The following RYR2 variants were observed in gnomAD, a reference collection of about 807,000 sequenced individuals.
RYR2 encodes ryanodine receptor 2.
A neutral mutation model predicts 601.1 loss-of-function variants in RYR2; 227 were observed. That is an observed-to-expected ratio of 0.38 (90% CI 0.34 to 0.42). RYR2 has a LOEUF of 0.42. Among genes scored for constraint, RYR2 ranks in the 10% least tolerant of loss-of-function variants. The pLI is 1.00. For synonymous variants in RYR2, 2,223 were observed against 2,175.1 expected, an observed-to-expected ratio of 1.02 and a Z score of -0.61; for missense variants, 4,646 against 6,156.5, an observed-to-expected ratio of 0.75 and a Z score of 8.21.
At chr1:237,655,790 A>ATT (rs752921347) in intron 52 of RYR2, 31 bp from the exon 53 acceptor site, 8 of 1,181,636 alleles carry the variant, frequency 6.8e-6, no homozygotes, top group Admixed American at 5.1e-5. Flanking sequence ...CCATATAGTA[A>ATT]TTTTTTTTTT....
intron 1 of RYR2, among the ~76,000 whole-genome samples, chr1:237,066,651 T>C (rs1393161310): frequency 6.6e-6 from 1 of 151,970 alleles, no homozygotes; most frequent in Non-Finnish European, 1.5e-5. Flanking sequence ...CTTTTTTTTT[T>C]TTTTCTTCGA....
At chr1:237,075,335 G>A (rs12093641) in intron 1 of RYR2, among the ~76,000 whole-genome samples, 2 of 151,288 alleles carry the variant, frequency 1.3e-5, no homozygotes, top group African/African-American at 2.4e-5. Context: ...CGCAGAAGAC[G>A]GGTGATTTCT....
chr1:237,268,713 G>A (rs959033189), intron 1 of RYR2, among the ~76,000 whole-genome samples: 47 of 151,756 alleles, frequency 3.1e-4, no homozygotes, highest in Admixed American at 7.9e-4. Flanking sequence ...CGAGGCGGGC[G>A]GATCACGAGG....
At chr1:237,731,822 TATAC>T (rs1466614171) in intron 77 of RYR2, among the ~76,000 whole-genome samples, 2 of 151,844 alleles carry the variant, frequency 1.3e-5, no homozygotes, top group Admixed American at 1.3e-4. Flanking sequence ...ATGCAACACA[TATAC>T]ATACAAGCTT....
intron 10 of RYR2, among the ~76,000 whole-genome samples, chr1:237,390,471 C>T (rs768779868): frequency 5.9e-5 from 9 of 152,052 alleles, no homozygotes; most frequent in African/African-American, 1.2e-4. Flanking sequence ...AGAAAATACA[C>T]GTAAAATACT....
chr1:237,355,532 A>G (rs1006186632), intron 3 of RYR2, among the ~76,000 whole-genome samples: 2 of 152,126 alleles, frequency 1.3e-5, no homozygotes, highest in African/African-American at 2.4e-5. Context: ...GAGTAAGAGA[A>G]ATTTTACTTT....
At chr1:237,481,730 T>C (rs1344066672) in intron 17 of RYR2, among the ~76,000 whole-genome samples, 1 of 148,622 alleles carries the variant, frequency 6.7e-6, no homozygotes, top group Non-Finnish European at 1.5e-5. Flanking sequence ...CCCTCTCAGA[T>C]GCACAGGCCC....
chr1:237,402,479 TAAA>T (rs200429851), intron 10 of RYR2, among the ~76,000 whole-genome samples: 1 of 151,716 alleles, frequency 6.6e-6, no homozygotes, highest in Non-Finnish European at 1.5e-5. Flanking sequence ...CTGGAAACTA[TAAA>T]AAATGATCAT....
At chr1:237,227,755 C>G (rs1206714252) in intron 1 of RYR2, among the ~76,000 whole-genome samples, 1 of 152,152 alleles carries the variant, frequency 6.6e-6, no homozygotes, top group Non-Finnish European at 1.5e-5. Flanking sequence ...TGCCTGACAC[C>G]CTGAGCTGCT....
intron 21 of RYR2, among the ~76,000 whole-genome samples, chr1:237,501,157 G>A (rs1664593110): frequency 6.7e-6 from 1 of 148,586 alleles, no homozygotes; most frequent in Non-Finnish European, 1.5e-5. Context: ...CCAGGGTCCT[G>A]AACTATTTCA....
chr1:237,664,933 T>C (rs1287334166), intron 56 of RYR2, among the ~76,000 whole-genome samples: 2 of 152,208 alleles, frequency 1.3e-5, no homozygotes, highest in African/African-American at 4.8e-5. Context: ...AACTATGGTG[T>C]TGATAGCAGT....
rs1558274627 is a variant in RYR2 at position 237,714,990 on chromosome 1, T to TTAAAA, written c.10324-2208_10324-2207insTAAAA. On this transcript the variant is annotated intron_variant, in intron 71 of 104. Transcript: ENST00000366574. Reference sequence around the variant, plus strand: ...CCTGGTGACAGAGCGAGACTCCATCTCAAAAAAAAAAAAAAAAAAAAAAAA... The same window carrying TTAAAA: ...CCTGGTGACAGAGCGAGACTCCATCTTAAAACAAAAAAAAAAAAAAAAAAAAAAAA... Among the ~76,000 whole-genome samples the TTAAAA allele has an allele frequency of 1.3e-4, 12 of 89,382 alleles. 5 individuals are homozygous for TTAAAA. Among genetic ancestry groups the TTAAAA allele is most frequent in the South Asian group, 1.1e-3 (3 of 2,746 alleles). 58.6% of individuals were successfully genotyped at this position (89,382 alleles called of 152,430 possible).
Position 237,300,239 on chromosome 1 carries a change from G to C in RYR2, c.168+29623G>C, listed in dbSNP as rs1466694036. On this transcript the variant is annotated intron_variant, in intron 2 of 104. Coordinates refer to ENST00000366574, the MANE Select transcript of RYR2 (RefSeq NM_001035.3). ...CGGACCACCAGGAAACATCTGAGAG[G>C]GCTCTTCCTTATTGTTTTGGTTGAG... 1.3e-5 allele frequency among the ~76,000 whole-genome samples: 2 copies of C among 152,084 alleles called. 1 individual carries two copies. The highest frequency in any genetic ancestry group is 2.9e-5 in the Non-Finnish European group (2 of 68,008).
At chr1:237,335,329 T>G (rs1697142622) in intron 3 of RYR2, among the ~76,000 whole-genome samples, 1 of 152,228 alleles carries the variant, frequency 6.6e-6, no homozygotes, top group South Asian at 2.1e-4. Flanking sequence ...ACAACTTTAT[T>G]TGTAATGCCA....
At chr1:237,187,901 G>T (rs1408686614) in intron 1 of RYR2, among the ~76,000 whole-genome samples, 1 of 152,128 alleles carries the variant, frequency 6.6e-6, no homozygotes, top group East Asian at 1.9e-4. Flanking sequence ...GTTACAATTT[G>T]CTTTTTAGTT....
At chr1:237,062,501 A>G (rs1256955939) in intron 1 of RYR2, among the ~76,000 whole-genome samples, 2 of 152,284 alleles carry the variant, frequency 1.3e-5, no homozygotes, top group African/African-American at 4.8e-5. Context: ...ATTGATGTCA[A>G]TGCAAATGTA....
At chr1:237,216,552 AC>A (rs1488576387) in intron 1 of RYR2, among the ~76,000 whole-genome samples, 3 of 152,112 alleles carry the variant, frequency 2.0e-5, no homozygotes, top group Non-Finnish European at 4.4e-5. Context: ...AGCCTGGCCA[AC>A]ATGGTGAAAC....
intron 1 of RYR2, among the ~76,000 whole-genome samples, chr1:237,085,855 G>A (rs1270946543): frequency 3.3e-5 from 5 of 152,190 alleles, no homozygotes; most frequent in Admixed American, 2.0e-4. Flanking sequence ...CCAGGCTCAA[G>A]TGATCCTCCC....
Position 237,364,141 on chromosome 1 carries a change from A to T in RYR2, c.295-217A>T, listed in dbSNP as rs556638172. 5.3e-5 allele frequency among the ~76,000 whole-genome samples: 8 copies of T among 152,272 alleles called. No individual in the cohort carries two copies. In the South Asian group the frequency reaches 1.4e-3, roughly 28 times the overall value. ...AGAAAAAGGAAGAAACTAACGTCAAAACATTTTTAAAGAGTTTTGCTTGCT... is the reference window on the plus strand; with the variant it reads ...AGAAAAAGGAAGAAACTAACGTCAATACATTTTTAAAGAGTTTTGCTTGCT... On this transcript the variant is annotated intron_variant, in intron 4 of 104. Transcript: ENST00000366574.
Sources: gnomAD v4.1 joint callset for allele counts (sites outside exome capture counted in the v4.1 genomes callset) on GRCh38, gnomAD v4.1.1 for gene constraint, MANE v1.5 for transcripts, NCBI Gene and HGNC (gene_info 2026-07-23, HGNC 2026-07-21) for gene names.